Variants in UBAP2L observed in about 807,000 individuals in gnomAD.
The protein encoded by UBAP2L is ubiquitin-associated protein 2-like.
In UBAP2L, 12 loss-of-function variants were observed where a neutral mutation model predicts 130.6. That is an observed-to-expected ratio of 0.09 (90% CI 0.06 to 0.15). The LOEUF is 0.15. UBAP2L is among the 10% of genes least tolerant of loss of function. The probability of loss-of-function intolerance (pLI) is 1.00; values close to 1 mark genes in which losing one functional copy is unlikely to be tolerated. For synonymous variants in UBAP2L, 503 were observed against 524.7 expected, an observed-to-expected ratio of 0.96 and a Z score of 0.57; for missense variants, 965 against 1,332.5, an observed-to-expected ratio of 0.72 and a Z score of 4.29.
intron 24 of UBAP2L, chr1:154,263,467 T>G: frequency 8.6e-7 from 1 of 1,157,990 alleles, no homozygotes; most frequent in Non-Finnish European, 1.1e-6. Context: ...ACAAAAATAT[T>G]TGTAGTCTTC....
rs937833329 is a variant in UBAP2L, at chr1:154,243,629, T to A, written c.842+327T>A. On this transcript the variant is annotated intron_variant, in intron 10 of 26. Coordinates refer to ENST00000428931, the MANE Select transcript of UBAP2L (RefSeq NM_014847.4). ...GCGTGTGCCACCACGCCTGGCTAAT[T>A]TTTGTATTTTTAGTAGAGACGGTGT... 4.6e-5 allele frequency among the ~76,000 whole-genome samples: 7 copies of A among 152,128 alleles called. No individual in the cohort carries two copies. In the East Asian group the frequency reaches 1.2e-3, roughly 25 times the overall value.
intron 24 of UBAP2L, 53 bp downstream of exon 24, chr1:154,261,750 A>G (rs1681615623): frequency 1.3e-6 from 2 of 1,563,078 alleles, no homozygotes; most frequent in Admixed American, 3.4e-5. Context: ...TTATTGGATA[A>G]ATTTCAGGGA....
At position 154,263,041 on chromosome 1, in the gene UBAP2L, C is replaced by T. The variant is rs1558227855; in HGVS notation, c.2902+1344C>T. ...TCAGCCCTTGAGAACCCCCAGTTCCCAACCCCACAAAGGGCTTTTGTCATT... is the reference window on the plus strand; with the variant it reads ...TCAGCCCTTGAGAACCCCCAGTTCCTAACCCCACAAAGGGCTTTTGTCATT... On this transcript the variant is annotated intron_variant, in intron 24 of 26. Transcript: ENST00000428931. 4.6e-6 allele frequency: 7 copies of T among 1,520,854 alleles called. No homozygotes were observed. In the East Asian group the frequency reaches 1.5e-4, roughly 32 times the overall value. 94.2% of individuals were successfully genotyped at this position (1,520,854 alleles called of 1,614,324 possible). A position where few individuals can be genotyped will look rare whatever the true frequency, so the allele number is the denominator to read the frequency against.
At chr1:154,224,553 A>G (rs751690445) in intron 1 of UBAP2L, among the ~76,000 whole-genome samples, 2 of 152,216 alleles carry the variant, frequency 1.3e-5, no homozygotes, top group African/African-American at 2.4e-5. Flanking sequence ...GACAAAGAAG[A>G]GTCTAGACTT....
chr1:154,234,869 G>A, intron 5 of UBAP2L, 110 bp downstream of exon 5: 1 of 1,456,572 alleles, frequency 6.9e-7, no homozygotes, highest in Non-Finnish European at 9.3e-7. Flanking sequence ...TTATCCTTTT[G>A]CTTTTCTTGC....
In UBAP2L at chr1:154,270,536, G is replaced by T; in HGVS notation, c.*241G>T. Reference sequence around the variant, plus strand: ...CCCCTTCCATTCCTTCTCCCCTCTTGCATTCAAGATTATGAAACTTTGCTA... The same window carrying T: ...CCCCTTCCATTCCTTCTCCCCTCTTTCATTCAAGATTATGAAACTTTGCTA... On this transcript the variant is annotated 3_prime_UTR_variant, in exon 27 of 27. Coordinates refer to ENST00000428931, the MANE Select transcript of UBAP2L (RefSeq NM_014847.4). 7.0e-7 allele frequency: 1 copy of T among 1,431,316 alleles called. No individual in the cohort carries two copies. 88.7% of individuals were successfully genotyped at this position (1,431,316 alleles called of 1,614,324 possible).
At chr1:154,226,942 C>T (rs1353778517) in intron 2 of UBAP2L, among the ~76,000 whole-genome samples, 1 of 152,186 alleles carries the variant, frequency 6.6e-6, no homozygotes, top group African/African-American at 2.4e-5. Flanking sequence ...CCTGCCTCAG[C>T]CTCCCGAGTA....
chr1:154,236,626 T>C lies in UBAP2L; in HGVS notation c.590+15T>C, dbSNP rs781581733. ...CAAGGAATGGGGTAAGTTTCATTGA[T>C]CTAGTGTCTTAATTTTTTTTCCCTT... On this transcript the variant is annotated intron_variant, in intron 7 of 26. Coordinates refer to ENST00000428931, the MANE Select transcript of UBAP2L (RefSeq NM_014847.4). 1.4e-5 allele frequency: 22 copies of C among 1,613,722 alleles called. No homozygotes were observed. Among genetic ancestry groups the C allele is most frequent in the Non-Finnish European group, 1.8e-5 (21 of 1,179,868 alleles).
At chr1:154,262,967 T>C in intron 24 of UBAP2L, 1 of 829,378 alleles carries the variant, frequency 1.2e-6, no homozygotes, top group East Asian at 2.9e-5. Context: ...TACCTGATTC[T>C]AGAAATCCCA....
chr1:154,266,246 C>T (rs1297626727), intron 24 of UBAP2L, among the ~76,000 whole-genome samples: 1 of 152,054 alleles, frequency 6.6e-6, no homozygotes, highest in Admixed American at 6.5e-5. Flanking sequence ...GGTCATATCC[C>T]CTTGCCCACC....
At chr1:154,241,087 T>G (rs867689850) in intron 8 of UBAP2L, among the ~76,000 whole-genome samples, 18 of 152,138 alleles carry the variant, frequency 1.2e-4, no homozygotes, top group African/African-American at 3.9e-4. Context: ...TTTTGTTTTG[T>G]TTTTTGTTTT....
chr1:154,236,688 G>C, intron 7 of UBAP2L, 77 bp downstream of exon 7: 1 of 1,504,750 alleles, frequency 6.6e-7, no homozygotes. Context: ...AAAATGATCA[G>C]AATGATTTCT....
At position 154,257,340 on chromosome 1, in the gene UBAP2L, T is replaced by C; in HGVS notation, c.2354-6T>C. ...TGATGGGATAAAAATGTAATTTCTCTTTTAGGAAAAGCTCCTCCCAACCTC... is the reference window on the plus strand; with the variant it reads ...TGATGGGATAAAAATGTAATTTCTCCTTTAGGAAAAGCTCCTCCCAACCTC... On this transcript the variant is annotated splice_region_variant and splice_polypyrimidine_tract_variant and intron_variant, in intron 19 of 26. Coordinates refer to ENST00000428931, the MANE Select transcript of UBAP2L (RefSeq NM_014847.4). 1 of 1,614,158 alleles carries C rather than the reference T, an allele frequency of 6.2e-7. No individual in the cohort carries two copies. The highest frequency in any genetic ancestry group is 8.5e-7 in the Non-Finnish European group (1 of 1,180,032).
At chr1:154,222,241 C>T (rs1036633702) in intron 1 of UBAP2L, among the ~76,000 whole-genome samples, 8 of 152,152 alleles carry the variant, frequency 5.3e-5, no homozygotes, top group Admixed American at 3.9e-4. Context: ...AGGTGATGGA[C>T]ATTACTAGTA....
At chr1:154,236,000 A>G (rs1671546355) in intron 6 of UBAP2L, among the ~76,000 whole-genome samples, 4 of 152,160 alleles carry the variant, frequency 2.6e-5, no homozygotes, top group Admixed American at 2.6e-4. Flanking sequence ...GGAGAGTGAG[A>G]AAGAAGGTAG....
rs1324262488 is a variant in UBAP2L at position 154,251,152 on chromosome 1, T to C, written c.1325T>C (p.Val442Ala). The C allele has an allele frequency of 6.2e-7, 1 of 1,614,168 alleles. No individual in the cohort carries two copies. The highest frequency in any genetic ancestry group is 1.7e-5 in the Admixed American group (1 of 60,012). ...TTCCTTCAGGAGAAGTCACCTGCAG[T>C]GGCTACCTCCACAGCTGCACCTCCA... ...EVFLQEKSPA[V>A]ATSTAAPPPP... is the part of the protein sequence containing the mutation. Residue 442 changes from valine (V) to alanine (A), a missense_variant, in exon 13 of 27, where the codon GTG becomes GCG. Around this residue, in one of 9 missense-constraint regions of UBAP2L, gnomAD observed 74 missense variants for 97.1 expected, o/e 0.76. Transcript: ENST00000428931.
Position 154,269,024 on chromosome 1 carries a change from CCTTTT to C in UBAP2L, c.3168+74_3168+78del, listed in dbSNP as rs1227035112. 7.1e-6 allele frequency: 11 copies of C among 1,554,514 alleles called. No homozygotes were observed. The African/African-American group carries it at 1.4e-4, about 19-fold the overall frequency. On this transcript the variant is annotated intron_variant, in intron 26 of 26. Coordinates refer to ENST00000428931, the MANE Select transcript of UBAP2L (RefSeq NM_014847.4). ...TATCCCTTAAAACTGCCTTCCCTTT[CCTTTT>C]CTTACCCTTCCTCACCACCACCTTC... is the stretch of plus-strand genomic sequence containing the variant.
chr1:154,259,479 G>A (rs888861129), intron 21 of UBAP2L, among the ~76,000 whole-genome samples: 19 of 151,956 alleles, frequency 1.3e-4, no homozygotes, highest in Middle Eastern at 3.4e-3. Context: ...GGCATGAGCC[G>A]CCGCACCCAG....
chr1:154,238,537 G>A (rs769875754), intron 8 of UBAP2L, among the ~76,000 whole-genome samples: 1 of 152,086 alleles, frequency 6.6e-6, no homozygotes. Flanking sequence ...CTTAGCCTTC[G>A]CTGTCTTCAG....
Sources: allele counts gnomAD v4.1 joint callset (sites outside exome capture counted in the v4.1 genomes callset), GRCh38; gene constraint gnomAD v4.1.1; regional missense constraint gnomAD v4.1.1; transcripts MANE v1.5; gene names NCBI Gene and HGNC (gene_info 2026-07-23, HGNC 2026-07-21).